NRG1: variants seen among roughly 807,000 people sequenced by gnomAD.
The protein encoded by NRG1 is pro-neuregulin-1, membrane-bound isoform.
Under a neutral mutation model 63.8 loss-of-function variants are expected in NRG1, and 18 were observed. The ratio of observed to expected loss-of-function variants is 0.28; its 90% CI spans 0.19 to 0.42. The LOEUF (loss-of-function observed/expected upper bound fraction) is 0.42. Among genes scored for constraint, NRG1 ranks in the 10% least tolerant of loss-of-function variants. The probability of loss-of-function intolerance (pLI) is 1.00; values close to 1 mark genes in which losing one functional copy is unlikely to be tolerated. For missense variants in NRG1, 762 were observed against 814.7 expected (o/e 0.94, Z 0.79); for synonymous variants, 302 against 301.3 (o/e 1.00, Z -0.02).
intron 1 of NRG1, among the ~76,000 whole-genome samples, chr8:32,524,702 G>T (rs576225961): frequency 6.6e-6 from 1 of 151,940 alleles, no homozygotes. Context: ...TAAGTCATGC[G>T]GATTTAAAAT....
intron 1 of NRG1, among the ~76,000 whole-genome samples, chr8:32,116,311 C>G (rs967211281): frequency 6.6e-6 from 1 of 152,070 alleles, no homozygotes; most frequent in Non-Finnish European, 1.5e-5. Context: ...TCACACCCAT[C>G]CTTAAAGCAG....
chr8:31,704,916 G>C (rs1171488761), intron 1 of NRG1, among the ~76,000 whole-genome samples: 1 of 151,174 alleles, frequency 6.6e-6, no homozygotes. Context: ...CTCACCAAAA[G>C]TAGATACATA....
chr8:32,684,317 G>A (rs527595152), intron 5 of NRG1, among the ~76,000 whole-genome samples: 1 of 152,246 alleles, frequency 6.6e-6, no homozygotes, highest in South Asian at 2.1e-4. Context: ...GTATGTAAGA[G>A]ATAAACACAC....
At chr8:32,384,838 A>G (rs7827584) in intron 1 of NRG1, among the ~76,000 whole-genome samples, 137,973 of 152,218 alleles carry the variant, frequency 0.91, 63,248 homozygotes, top group Non-Finnish European at 0.95. Context: ...TTTCAAAAAG[A>G]TCCTTGATTT....
intron 5 of NRG1, among the ~76,000 whole-genome samples, chr8:32,687,086 A>G (rs183518411): frequency 6.6e-6 from 1 of 152,326 alleles, no homozygotes; most frequent in East Asian, 1.9e-4. Flanking sequence ...CCTGATCTAT[A>G]TAAAGCTGTA....
intron 1 of NRG1, among the ~76,000 whole-genome samples, chr8:31,978,404 G>T (rs1027823882): frequency 6.6e-6 from 1 of 152,002 alleles, no homozygotes; most frequent in South Asian, 2.1e-4. Context: ...AGAGATTCTT[G>T]TTCTCACAAT....
chr8:32,522,497 T>A, intron 1 of NRG1, among the ~76,000 whole-genome samples: 1 of 152,202 alleles, frequency 6.6e-6, no homozygotes. Context: ...TGTGTTCTCA[T>A]GGCCTTGGAT....
At chr8:32,165,872 C>A (rs1329537107) in intron 1 of NRG1, among the ~76,000 whole-genome samples, 1 of 152,128 alleles carries the variant, frequency 6.6e-6, no homozygotes, top group African/African-American at 2.4e-5. Flanking sequence ...AAGTATCATT[C>A]ATTGCCCCGA....
At chr8:32,267,311 G>C (rs1350806151) in intron 1 of NRG1, among the ~76,000 whole-genome samples, 2 of 152,136 alleles carry the variant, frequency 1.3e-5, no homozygotes, top group Admixed American at 1.3e-4. Context: ...AGATAATGTA[G>C]TGCGAGCAAG....
intron 1 of NRG1, among the ~76,000 whole-genome samples, chr8:31,822,962 AT>A (rs1018348350): frequency 2.0e-5 from 3 of 152,110 alleles, no homozygotes; most frequent in Non-Finnish European, 2.9e-5. Context: ...TAGCTCTGAC[AT>A]TTTTTAAGTG....
chr8:31,859,778 A>G (rs1204284233), intron 1 of NRG1, among the ~76,000 whole-genome samples: 1 of 152,232 alleles, frequency 6.6e-6, no homozygotes, highest in Non-Finnish European at 1.5e-5. Flanking sequence ...GAAGATGCTA[A>G]TTGTCTTTAT....
chr8:32,548,297 CGA>C lies in NRG1; in HGVS notation c.-428_-427del. 1 of 989,562 alleles carries C rather than the reference CGA, an allele frequency of 1.0e-6. No individual in the cohort carries two copies. The highest frequency in any genetic ancestry group is 1.2e-6 in the Non-Finnish European group (1 of 832,884). The allele number at this position is 989,562 out of a possible 1,614,324, so 61.3% of individuals were successfully genotyped here. On this transcript the variant is annotated 5_prime_UTR_variant, in exon 1 of 12. Transcript: ENST00000356819. ...TGCGGGGCAATTGAAAAAGAGCCGGCGAGGAGTTCCCCGAAACTTGTTGGAAC... is the reference window on the plus strand; with the variant it reads ...TGCGGGGCAATTGAAAAAGAGCCGGCGGAGTTCCCCGAAACTTGTTGGAAC...
At chr8:32,422,675 G>T (rs1037150069) in intron 1 of NRG1, among the ~76,000 whole-genome samples, 1 of 152,222 alleles carries the variant, frequency 6.6e-6, no homozygotes, top group African/African-American at 2.4e-5. Context: ...CTACAGTGTA[G>T]TAAAGTGCCA....
At chr8:32,005,296 T>C (rs1445137540) in intron 1 of NRG1, among the ~76,000 whole-genome samples, 1 of 151,936 alleles carries the variant, frequency 6.6e-6, no homozygotes, top group Non-Finnish European at 1.5e-5. Context: ...TCCTCACATA[T>C]TCTTACATTT....
intron 6 of NRG1, among the ~76,000 whole-genome samples, chr8:32,729,452 GT>G (rs1292644049): frequency 6.6e-6 from 1 of 152,220 alleles, no homozygotes; most frequent in African/African-American, 2.4e-5. Flanking sequence ...AAAACATGCA[GT>G]GGGGACATTA....
chr8:31,967,602 G>A (rs2129627840), intron 1 of NRG1, among the ~76,000 whole-genome samples: 1 of 152,258 alleles, frequency 6.6e-6, no homozygotes, highest in East Asian at 1.9e-4. Context: ...ATGCAATCAG[G>A]CATCCAAAAT....
chr8:31,691,013 T>C (rs2131125601), intron 1 of NRG1, among the ~76,000 whole-genome samples: 1 of 152,242 alleles, frequency 6.6e-6, no homozygotes, highest in East Asian at 1.9e-4. Flanking sequence ...GATTATCAAA[T>C]GAGGCATAGA....
intron 1 of NRG1, among the ~76,000 whole-genome samples, chr8:32,132,997 C>A (rs755378464): frequency 7.9e-5 from 12 of 151,692 alleles, no homozygotes; most frequent in Non-Finnish European, 1.8e-4. Flanking sequence ...CTTCCCACTC[C>A]TCCCCCCTTT....
intron 1 of NRG1, among the ~76,000 whole-genome samples, chr8:31,897,278 C>G (rs1831649350): frequency 6.6e-6 from 1 of 151,998 alleles, no homozygotes; most frequent in Admixed American, 6.6e-5. Flanking sequence ...GGAACTCAGG[C>G]ACAGCTGACC....
Sources: allele counts gnomAD v4.1 joint callset (sites outside exome capture counted in the v4.1 genomes callset), GRCh38; gene constraint gnomAD v4.1.1; transcripts MANE v1.5; gene names NCBI Gene and HGNC (gene_info 2026-07-23, HGNC 2026-07-21).